The following TOX variants were observed in gnomAD, a reference collection of about 807,000 sequenced individuals.
TOX encodes the protein thymocyte selection associated high mobility group box.
In TOX, 11 loss-of-function variants were observed where a neutral mutation model predicts 53.7. That is an observed-to-expected ratio of 0.20 (90% CI 0.13 to 0.34). The LOEUF (loss-of-function observed/expected upper bound fraction) is 0.34, where lower values mean the gene tolerates loss of function less well. Among genes scored for constraint, TOX ranks in the 10% least tolerant of loss-of-function variants. TOX has a pLI of 1.00. For missense variants in TOX, 570 were observed against 664.6 expected (o/e 0.86, Z 1.56); for synonymous variants, 225 against 245.3 (o/e 0.92, Z 0.77).
At chr8:58,888,986 C>T (rs999046890) in intron 3 of TOX, among the ~76,000 whole-genome samples, 1 of 151,890 alleles carries the variant, frequency 6.6e-6, no homozygotes, top group African/African-American at 2.4e-5. Flanking sequence ...TCTTTTTCAT[C>T]TATCAGATTG....
chr8:59,048,102 T>C (rs887399371), intron 1 of TOX, among the ~76,000 whole-genome samples: 4 of 152,200 alleles, frequency 2.6e-5, no homozygotes, highest in African/African-American at 4.8e-5. Flanking sequence ...AAAGTAATAT[T>C]CTGTCTTGTT....
chr8:58,967,139 G>T (rs1393227551), intron 1 of TOX, among the ~76,000 whole-genome samples: 2 of 152,062 alleles, frequency 1.3e-5, no homozygotes, highest in Non-Finnish European at 2.9e-5. Context: ...CTCCCAAAGT[G>T]CTGGGATTAC....
At chr8:59,037,670 C>T (rs1015896943) in intron 1 of TOX, among the ~76,000 whole-genome samples, 1 of 152,030 alleles carries the variant, frequency 6.6e-6, no homozygotes, top group African/African-American at 2.4e-5. Flanking sequence ...GCCGTGGTGG[C>T]AGGCACCTGT....
intron 1 of TOX, among the ~76,000 whole-genome samples, chr8:59,074,369 G>C (rs112419345): frequency 0.02 from 2,975 of 152,280 alleles, 33 homozygotes; most frequent in African/African-American, 0.03. Context: ...GAAGAGTGAA[G>C]CATCTTTCTT....
chr8:59,051,102 G>A (rs1235159554), intron 1 of TOX, among the ~76,000 whole-genome samples: 2 of 152,100 alleles, frequency 1.3e-5, no homozygotes, highest in South Asian at 2.1e-4. Context: ...AAGGGCTGCT[G>A]ATGGCATACC....
At chr8:58,899,798 T>C (rs1482008744) in intron 3 of TOX, among the ~76,000 whole-genome samples, 1 of 152,090 alleles carries the variant, frequency 6.6e-6, no homozygotes, top group Non-Finnish European at 1.5e-5. Flanking sequence ...ATTCTAACTG[T>C]AGTTAAAGGA....
At chr8:59,101,832 G>A (rs1243627398) in intron 1 of TOX, among the ~76,000 whole-genome samples, 3 of 152,172 alleles carry the variant, frequency 2.0e-5, no homozygotes, top group South Asian at 2.1e-4. Context: ...TATGGACATC[G>A]TGTAGTTTGA....
At chr8:58,986,056 G>C (rs951611372) in intron 1 of TOX, among the ~76,000 whole-genome samples, 5 of 152,084 alleles carry the variant, frequency 3.3e-5, no homozygotes, top group Admixed American at 1.3e-4. Context: ...ATACTAAATG[G>C]CATGTTCTAG....
At chr8:59,065,732 T>TA (rs1474176664) in intron 1 of TOX, among the ~76,000 whole-genome samples, 1 of 151,902 alleles carries the variant, frequency 6.6e-6, no homozygotes, top group African/African-American at 2.4e-5. Flanking sequence ...AAAGAGAAAA[T>TA]AGTGTACCAT....
At chr8:59,023,027 C>T (rs1018172866) in intron 1 of TOX, among the ~76,000 whole-genome samples, 31 of 152,268 alleles carry the variant, frequency 2.0e-4, no homozygotes, top group East Asian at 5.8e-4. Context: ...CTTTCATAAA[C>T]AGTCACATTT....
chr8:59,100,723 G>A (rs555245207), intron 1 of TOX, among the ~76,000 whole-genome samples: 4 of 151,950 alleles, frequency 2.6e-5, no homozygotes, highest in African/African-American at 7.2e-5. Flanking sequence ...AAATGAACAC[G>A]GATTATTTGA....
intron 3 of TOX, among the ~76,000 whole-genome samples, chr8:58,884,942 T>C (rs975427778): frequency 1.3e-5 from 2 of 152,150 alleles, no homozygotes; most frequent in African/African-American, 4.8e-5. Context: ...AAGCTGAACA[T>C]GGGTTGAAAA....
intron 1 of TOX, among the ~76,000 whole-genome samples, chr8:59,032,088 G>A (rs760021910): frequency 3.9e-5 from 6 of 152,174 alleles, no homozygotes; most frequent in Admixed American, 6.5e-5. Flanking sequence ...CAATCCATAC[G>A]AGCTGCACTC....
chr8:59,006,634 C>T (rs1029427998), intron 1 of TOX, among the ~76,000 whole-genome samples: 1 of 152,116 alleles, frequency 6.6e-6, no homozygotes, highest in East Asian at 1.9e-4. Flanking sequence ...ATATCTAATC[C>T]TCTAGGAACT....
intron 1 of TOX, among the ~76,000 whole-genome samples, chr8:59,102,759 T>G (rs192701274): frequency 6.6e-5 from 10 of 152,246 alleles, no homozygotes; most frequent in Admixed American, 1.3e-4. Context: ...TCAATCATCT[T>G]ACAAATTATG....
At chr8:59,083,527 TATA>T (rs1448514712) in intron 1 of TOX, among the ~76,000 whole-genome samples, 9 of 152,218 alleles carry the variant, frequency 5.9e-5, no homozygotes, top group African/African-American at 2.2e-4. Context: ...GAAATATATT[TATA>T]ATAAGAGTGC....
chr8:58,989,106 G>C (rs1813391231), intron 1 of TOX, among the ~76,000 whole-genome samples: 1 of 152,184 alleles, frequency 6.6e-6, no homozygotes, highest in Admixed American at 6.5e-5. Context: ...CCTGAGGTCA[G>C]GAGTTCGAAA....
intron 1 of TOX, among the ~76,000 whole-genome samples, chr8:59,025,631 C>T (rs780199275): frequency 6.6e-6 from 1 of 152,288 alleles, no homozygotes; most frequent in Middle Eastern, 3.4e-3. Context: ...GATCTTCCCA[C>T]CTCTCTGCCT....
chr8:58,808,406 C>A, intron 7 of TOX, 137 bp from the exon 8 acceptor site: 3 of 1,098,456 alleles, frequency 2.7e-6, no homozygotes, highest in South Asian at 2.2e-5. Context: ...GTCGGAAGAG[C>A]CCAGAAAATT....
Sources: gnomAD v4.1 joint callset for allele counts (sites outside exome capture counted in the v4.1 genomes callset) on GRCh38, gnomAD v4.1.1 for gene constraint, MANE v1.5 for transcripts, NCBI Gene and HGNC (gene_info 2026-07-23, HGNC 2026-07-21) for gene names.